The following FCRL2 variants were observed in gnomAD, a reference collection of about 807,000 sequenced individuals.
FCRL2 encodes Fc receptor-like protein 2.
A neutral mutation model predicts 59.8 loss-of-function variants in FCRL2; 48 were observed. That is an observed-to-expected ratio of 0.80 (90% confidence interval 0.64 to 1.02). The LOEUF is 1.02. Among genes scored for constraint, FCRL2 ranks in the 50% least tolerant of loss-of-function variants. The pLI, the probability that FCRL2 is intolerant of heterozygous loss-of-function variation, is 0.00. For missense variants in FCRL2, 658 were observed against 597.3 expected (o/e 1.10, Z -1.06); for synonymous variants, 251 against 229.5 (o/e 1.09, Z -0.85).
intron 8 of FCRL2, among the ~76,000 whole-genome samples, 156 bp from the exon 9 acceptor site, chr1:157,749,116 T>TA (rs1647992894): frequency 6.6e-6 from 1 of 152,172 alleles, no homozygotes; most frequent in South Asian, 2.1e-4. Context: ...TACTTTGATA[T>TA]GGCCAAAACT....
chr1:157,772,028 T>TTATATATATATA (rs35452726), intron 2 of FCRL2, among the ~76,000 whole-genome samples: 1,950 of 147,052 alleles, frequency 0.013, 42 homozygotes, highest in African/African-American at 0.045. Context: ...AACAATCTGA[T>TTATATATATATA]TATATATATA....
At chr1:157,759,785 A>G (rs576891006) in intron 7 of FCRL2, among the ~76,000 whole-genome samples, 1 of 152,204 alleles carries the variant, frequency 6.6e-6, no homozygotes, top group African/African-American at 2.4e-5. Context: ...TTAAAAAGTC[A>G]AAAAATGAGA....
Position 157,775,130 on chromosome 1 carries a change from T to A in FCRL2, c.52+645A>T, listed in dbSNP as rs529651565. On this transcript the variant is annotated intron_variant, in intron 2 of 11. Transcript: ENST00000361516. ...GAGCACGGGTTGGCAAATTATGGCC[T>A]GTGAGCTGGCCAACACTGTTTTGGT... Among the ~76,000 whole-genome samples, 3 of 152,300 alleles carry A rather than the reference T, an allele frequency of 2.0e-5. No individual in the cohort carries two copies. The East Asian group carries it at 5.8e-4, about 29-fold the overall frequency.
Position 157,768,425 on chromosome 1 carries a change from A to T in FCRL2, c.872T>A (p.Ile291Asn). ...HVPIQSKVVN[I>N]PVRIPVSRPV... Reference sequence around the variant, plus strand: ...AGAGTGTCACTCACTTCTCACAGGGATATTCACCACCTTGCTCTGGATAGG... The same window carrying T: ...AGAGTGTCACTCACTTCTCACAGGGTTATTCACCACCTTGCTCTGGATAGG... The change falls in exon 5 of 12, where the codon ATC becomes AAC. Residue 291 changes from isoleucine (I) to asparagine (N), a missense_variant. Physicochemically the swap from Ile to Asn is moderately radical, Grantham distance 149 (BLOSUM62 -3). Transcript: ENST00000361516. 1 of 1,613,726 alleles carries T rather than the reference A, an allele frequency of 6.2e-7. No individual in the cohort carries two copies. The highest frequency in any genetic ancestry group is 8.5e-7 in the Non-Finnish European group (1 of 1,179,670).
At chr1:157,757,389 G>A (rs1416494608) in intron 7 of FCRL2, among the ~76,000 whole-genome samples, 1 of 152,090 alleles carries the variant, frequency 6.6e-6, no homozygotes, top group Admixed American at 6.5e-5. Context: ...TTATAAGAAG[G>A]GACGGGTTGA....
At chr1:157,765,935 C>T (rs1335280702) in intron 7 of FCRL2, among the ~76,000 whole-genome samples, 1 of 152,170 alleles carries the variant, frequency 6.6e-6, no homozygotes, top group Non-Finnish European at 1.5e-5. Flanking sequence ...AGTCTGACTA[C>T]TTTAAGGTCA....
chr1:157,767,555 A>G (rs370266218), intron 5 of FCRL2, 46 bp from the exon 6 acceptor site: 51 of 1,614,154 alleles, frequency 3.2e-5, no homozygotes, highest in Admixed American at 5.0e-5. Flanking sequence ...TGATGCCTCA[A>G]TAGATTCACA....
chr1:157,760,702 A>G (rs28677131), intron 7 of FCRL2, among the ~76,000 whole-genome samples: 1,468 of 79,256 alleles, frequency 0.019, 13 homozygotes, highest in East Asian at 0.035. Flanking sequence ...AAAGAAGGAA[A>G]GAAAGAAAGA....
At chr1:157,774,352 A>T (rs6700883) in intron 2 of FCRL2, 93,353 of 437,764 alleles carry the variant, frequency 0.21, 10,522 homozygotes, top group Non-Finnish European at 0.24. Flanking sequence ...TGCCCAGCCT[A>T]CATAGCAGGT....
intron 10 of FCRL2, 112 bp downstream of exon 10, chr1:157,748,441 C>G: frequency 2.8e-6 from 1 of 355,420 alleles, no homozygotes; most frequent in Non-Finnish European, 4.5e-6. Flanking sequence ...GATAGATAGA[C>G]AAATAAATAA....
intron 7 of FCRL2, among the ~76,000 whole-genome samples, chr1:157,759,058 G>A (rs1158880669): frequency 2.0e-5 from 3 of 152,190 alleles, no homozygotes; most frequent in East Asian, 1.9e-4. Context: ...GGAGGGACCC[G>A]GTGGGAGGTA....
In FCRL2 at chr1:157,767,323, G is replaced by A. The variant is rs150212794; in HGVS notation, c.1070C>T (p.Ser357Phe). ...PSGGGASFNL[S>F]LTAEHSGNYS... ...GTTTCCAGAATGTTCTGCAGTCAAA[G>A]AGAGGTTGAAGGAGGCCCCTCCTCC... Residue 357 changes from serine (S) to phenylalanine (F), a missense_variant, in exon 6 of 12, where the codon TCT becomes TTT. Ser to Phe is a radical substitution (Grantham distance 155). Transcript: ENST00000361516. 1.1e-4 allele frequency: 183 copies of A among 1,614,244 alleles called. No homozygotes were observed. The African/African-American group carries it at 2.3e-3, about 20-fold the overall frequency.
rs1647755909 is a variant in FCRL2 at position 157,746,526 on chromosome 1, T to C, written c.*210A>G. The C allele has an allele frequency of 1.7e-6, 1 of 595,644 alleles. No homozygotes were observed. Among genetic ancestry groups the C allele is most frequent in the Non-Finnish European group, 3.0e-6 (1 of 333,512 alleles). 36.9% of individuals were successfully genotyped at this position (595,644 alleles called of 1,614,324 possible). On this transcript the variant is annotated 3_prime_UTR_variant, in exon 12 of 12. Transcript: ENST00000361516. ...AGAAATAATTTATTTGCACAGTGTC[T>C]GGATGTAGCAGCAGTTCAATGAATA...
chr1:157,761,670 C>T (rs74119547), intron 7 of FCRL2, among the ~76,000 whole-genome samples: 2,524 of 152,144 alleles, frequency 0.017, 48 homozygotes, highest in African/African-American at 0.049. Context: ...TGTAAACCTG[C>T]CATATGTGGA....
intron 4 of FCRL2, chr1:157,769,210 T>C (rs1332951071): frequency 1.3e-5 from 2 of 155,904 alleles, no homozygotes; most frequent in South Asian, 2.0e-4. Flanking sequence ...AATCTCATCA[T>C]GTGGAGACAT....
chr1:157,746,649 G>T lies in FCRL2; in HGVS notation c.*87C>A. 2 of 1,390,380 alleles carry T rather than the reference G, an allele frequency of 1.4e-6. No homozygotes were observed. The highest frequency in any genetic ancestry group is 1.0e-6 in the Non-Finnish European group (1 of 983,850). The allele number at this position is 1,390,380 out of a possible 1,614,324, so 86.1% of individuals were successfully genotyped here. A position where few individuals can be genotyped will look rare whatever the true frequency, so the allele number is the denominator to read the frequency against. On this transcript the variant is annotated 3_prime_UTR_variant, in exon 12 of 12. Transcript: ENST00000361516. Reference sequence around the variant, plus strand: ...ACGTTCTGGCTGTGGCAGGTGATAAGCCTCAAGCATTTTCATAAGGTTTTA... The same window carrying T: ...ACGTTCTGGCTGTGGCAGGTGATAATCCTCAAGCATTTTCATAAGGTTTTA...
intron 7 of FCRL2, among the ~76,000 whole-genome samples, chr1:157,765,280 G>A (rs894658178): frequency 1.3e-5 from 2 of 152,078 alleles, no homozygotes; most frequent in African/African-American, 2.4e-5. Flanking sequence ...AATAATGAGT[G>A]GCAAGATTGA....
At chr1:157,755,312 A>G (rs1648502660) in intron 7 of FCRL2, among the ~76,000 whole-genome samples, 1 of 152,128 alleles carries the variant, frequency 6.6e-6, no homozygotes, top group Admixed American at 6.5e-5. Flanking sequence ...AATCAAAACT[A>G]CAGGGCAGTA....
At chr1:157,766,709 A>G in intron 7 of FCRL2, 146 bp downstream of exon 7, 2 of 1,346,006 alleles carry the variant, frequency 1.5e-6, no homozygotes, top group Non-Finnish European at 2.0e-6. Flanking sequence ...AGCATTGCAC[A>G]GAGCCTTGCA....
Sources: allele counts gnomAD v4.1 joint callset (sites outside exome capture counted in the v4.1 genomes callset), GRCh38; gene constraint gnomAD v4.1.1; transcripts MANE v1.5; gene names NCBI Gene and HGNC (gene_info 2026-07-23, HGNC 2026-07-21).